GRIN2B: variants seen among roughly 807,000 people sequenced by gnomAD.
GRIN2B encodes the protein glutamate ionotropic receptor NMDA type subunit 2B.
A neutral mutation model predicts 114.5 loss-of-function variants in GRIN2B; 5 were observed. The observed-to-expected ratio is 0.04, with a 90% CI of 0.02 to 0.09. The LOEUF is 0.09. GRIN2B is among the 10% of genes least tolerant of loss of function. The pLI, the probability that GRIN2B is intolerant of heterozygous loss-of-function variation, is 1.00. For synonymous variants in GRIN2B, 787 were observed against 745.1 expected (o/e 1.06, Z -0.92); for missense variants, 1,108 against 1,943.5 (o/e 0.57, Z 8.08).
At chr12:13,859,505 C>A (rs1348701620) in intron 3 of GRIN2B, among the ~76,000 whole-genome samples, 1 of 152,192 alleles carries the variant, frequency 6.6e-6, no homozygotes, top group Non-Finnish European at 1.5e-5. Flanking sequence ...ACAAAGTTTC[C>A]AGTGCCTTAG....
intron 2 of GRIN2B, among the ~76,000 whole-genome samples, chr12:13,906,051 T>C (rs554423286): frequency 1.2e-4 from 18 of 152,320 alleles, no homozygotes; most frequent in Admixed American, 4.6e-4. Flanking sequence ...GCAAATACCG[T>C]TGGGTAAACA....
At chr12:13,608,471 T>C in intron 10 of GRIN2B, 132 bp downstream of exon 10, 2 of 716,718 alleles carry the variant, frequency 2.8e-6, no homozygotes, top group Non-Finnish European at 5.0e-6. Flanking sequence ...ACTCCCATGT[T>C]CCAATACAAG....
In GRIN2B at chr12:13,937,502, G is replaced by GA. The variant is rs11297910; in HGVS notation, c.-19+42425dup. 1.1e-3 allele frequency among the ~76,000 whole-genome samples: 171 copies of GA among 151,478 alleles called. 6 individuals carry two copies. The South Asian group carries it at 0.028, about 24-fold the overall frequency. On this transcript the variant is annotated intron_variant, in intron 2 of 13. Transcript: ENST00000609686. ...TAATATCTCTAAAGTGCCAAAAAAA[G>GA]AAAAAAAAAGAGAAAAAACTGTCAA...
chr12:13,754,494 C>T (rs1270983285), intron 3 of GRIN2B, among the ~76,000 whole-genome samples: 1 of 152,146 alleles, frequency 6.6e-6, no homozygotes, highest in Non-Finnish European at 1.5e-5. Flanking sequence ...GAGATAAGCT[C>T]AGTGGTCCAG....
intron 2 of GRIN2B, among the ~76,000 whole-genome samples, chr12:13,956,130 G>T (rs1344344670): frequency 6.6e-6 from 1 of 152,142 alleles, no homozygotes; most frequent in African/African-American, 2.4e-5. Context: ...CTGACCAAAG[G>T]CAGGAACGGC....
At chr12:13,747,425 A>G (rs370054394) in intron 4 of GRIN2B, among the ~76,000 whole-genome samples, 8 of 152,342 alleles carry the variant, frequency 5.3e-5, no homozygotes, top group African/African-American at 1.9e-4. Context: ...TTATGCCTGA[A>G]CTACAATAAG....
chr12:13,565,605 G>T (rs1279541756), intron 13 of GRIN2B, among the ~76,000 whole-genome samples: 1 of 152,096 alleles, frequency 6.6e-6, no homozygotes, highest in Non-Finnish European at 1.5e-5. Flanking sequence ...CTCACATCTT[G>T]TTCCCTGCCT....
At chr12:13,631,584 G>A (rs572020996) in intron 5 of GRIN2B, among the ~76,000 whole-genome samples, 8 of 152,310 alleles carry the variant, frequency 5.3e-5, no homozygotes, top group South Asian at 4.1e-4. Context: ...GCCAGACACT[G>A]GGCTAAGTGG....
At chr12:13,791,853 G>A (rs924065644) in intron 3 of GRIN2B, among the ~76,000 whole-genome samples, 1 of 152,222 alleles carries the variant, frequency 6.6e-6, no homozygotes, top group African/African-American at 2.4e-5. Context: ...TCTGCAAATG[G>A]TTAGTGTTAA....
intron 3 of GRIN2B, among the ~76,000 whole-genome samples, chr12:13,801,939 A>C (rs1001760945): frequency 6.6e-6 from 1 of 152,098 alleles, no homozygotes; most frequent in Non-Finnish European, 1.5e-5. Flanking sequence ...CTGGGTGAGC[A>C]GACAGGGACA....
At chr12:13,880,734 A>G (rs1053326440) in intron 2 of GRIN2B, among the ~76,000 whole-genome samples, 3 of 152,240 alleles carry the variant, frequency 2.0e-5, no homozygotes, top group African/African-American at 7.2e-5. Flanking sequence ...TCTTCTCTAC[A>G]CGAAAACTTC....
At chr12:13,937,355 C>G (rs1867147609) in intron 2 of GRIN2B, among the ~76,000 whole-genome samples, 1 of 151,938 alleles carries the variant, frequency 6.6e-6, no homozygotes, top group African/African-American at 2.4e-5. Context: ...AACCTAATTA[C>G]ATCATGAACT....
intron 2 of GRIN2B, among the ~76,000 whole-genome samples, chr12:13,925,721 T>A (rs1377230482): frequency 6.6e-6 from 1 of 152,128 alleles, no homozygotes; most frequent in Non-Finnish European, 1.5e-5. Flanking sequence ...TCCTGGCTAT[T>A]AAAATTCAAG....
rs886649240 is a variant in GRIN2B at position 13,548,745 on chromosome 12, G to T, written c.*14038C>A. 1.3e-5 allele frequency: 2 copies of T among 151,694 alleles called. No homozygotes were observed. Among genetic ancestry groups the T allele is most frequent in the African/African-American group, 4.8e-5 (2 of 41,254 alleles). The allele number at this position is 151,694 out of a possible 1,614,324, so 9.4% of individuals were successfully genotyped here. ...GGAGGCAAAAGGACAAGGGAAAAATGAGATTTGTAATAGGCTTGATTTTTT... is the reference window on the plus strand; with the variant it reads ...GGAGGCAAAAGGACAAGGGAAAAATTAGATTTGTAATAGGCTTGATTTTTT... On this transcript the variant is annotated 3_prime_UTR_variant, in exon 14 of 14. Transcript: ENST00000609686.
At chr12:13,965,221 G>C (rs1014890110) in intron 2 of GRIN2B, among the ~76,000 whole-genome samples, 2 of 152,260 alleles carry the variant, frequency 1.3e-5, no homozygotes, top group South Asian at 4.1e-4. Flanking sequence ...AAGTCATTTT[G>C]AGGGTTCCTA....
At chr12:13,689,246 G>T (rs1375926569) in intron 4 of GRIN2B, among the ~76,000 whole-genome samples, 1 of 152,062 alleles carries the variant, frequency 6.6e-6, no homozygotes, top group Non-Finnish European at 1.5e-5. Flanking sequence ...AACTCTTAGT[G>T]CCTGAAATTG....
chr12:13,686,027 A>C (rs919301296), intron 4 of GRIN2B, among the ~76,000 whole-genome samples: 6 of 152,130 alleles, frequency 3.9e-5, no homozygotes, highest in Non-Finnish European at 7.4e-5. Context: ...ATGTGTACAT[A>C]ATCAAAGAAA....
intron 2 of GRIN2B, among the ~76,000 whole-genome samples, chr12:13,941,036 G>A (rs1055982653): frequency 2.0e-5 from 3 of 150,526 alleles, no homozygotes; most frequent in Non-Finnish European, 4.4e-5. Flanking sequence ...TGCCCCACTA[G>A]CTTCCCCAGG....
chr12:13,609,359 C>T (rs1408507828), intron 9 of GRIN2B, among the ~76,000 whole-genome samples: 1 of 152,216 alleles, frequency 6.6e-6, no homozygotes, highest in Non-Finnish European at 1.5e-5. Context: ...TTAGAATGCA[C>T]TTTTTCCTGA....
Sources: gnomAD v4.1 joint callset for allele counts (sites outside exome capture counted in the v4.1 genomes callset) on GRCh38, gnomAD v4.1.1 for gene constraint, MANE v1.5 for transcripts, NCBI Gene and HGNC (gene_info 2026-07-23, HGNC 2026-07-21) for gene names.